The following SRD5A2 variants were observed in gnomAD, a reference collection of about 807,000 sequenced individuals.
SRD5A2 encodes steroid 5 alpha-reductase 2.
A neutral mutation model predicts 27.4 loss-of-function variants in SRD5A2; 30 were observed. That is an observed-to-expected ratio of 1.10 (90% confidence interval 0.82 to 1.49). The LOEUF (loss-of-function observed/expected upper bound fraction) is 1.49. Among genes scored for constraint, SRD5A2 ranks in the 40% most tolerant of loss-of-function variants. The probability of loss-of-function intolerance (pLI) is 0.00; values close to 1 mark genes in which losing one functional copy is unlikely to be tolerated. For missense variants in SRD5A2, 348 were observed against 323.4 expected, an observed-to-expected ratio of 1.08 and a Z score of -0.58; for synonymous variants, 141 against 133.6, an observed-to-expected ratio of 1.06 and a Z score of -0.38.
At chr2:31,593,525 C>A in the SRD5A2 span, among the ~76,000 whole-genome samples, 1 of 152,212 alleles carries the variant, frequency 6.6e-6, no homozygotes, top group African/African-American at 2.4e-5. Flanking sequence ...AACAAAACCT[C>A]CAAGAAATTT....
the SRD5A2 span, among the ~76,000 whole-genome samples, chr2:31,647,156 C>T: frequency 2.0e-5 from 3 of 151,868 alleles, no homozygotes; most frequent in Non-Finnish European, 4.4e-5. Context: ...GAAAACAAAA[C>T]AAAACAAAAC....
At chr2:31,647,908 T>C in the SRD5A2 span, among the ~76,000 whole-genome samples, 1 of 152,236 alleles carries the variant, frequency 6.6e-6, no homozygotes. Context: ...TTTTTATGAG[T>C]ATGAAAACTG....
chr2:31,549,081 A>AATTATTATT (rs71405576), intron 1 of SRD5A2, among the ~76,000 whole-genome samples: 9,992 of 131,240 alleles, frequency 0.076, 435 homozygotes, highest in Middle Eastern at 0.1. Context: ...AAGTAGAGGG[A>AATTATTATT]ATTATTATTA....
At chr2:31,633,294 T>C in the SRD5A2 span, among the ~76,000 whole-genome samples, 1 of 152,172 alleles carries the variant, frequency 6.6e-6, no homozygotes, top group East Asian at 1.9e-4. Context: ...TGGAAATTAC[T>C]TAAAACCCTT....
chr2:31,608,421 C>A, the SRD5A2 span, among the ~76,000 whole-genome samples: 2,722 of 151,154 alleles, frequency 0.018, 56 homozygotes, highest in African/African-American at 0.038. Context: ...TAATACAAAA[C>A]GGGGGCAGGA....
In SRD5A2 at chr2:31,523,565, G is replaced by A. The variant is rs574344590; in HGVS notation, c.*2631C>T. On this transcript the variant is annotated 3_prime_UTR_variant, in exon 5 of 5. Transcript: ENST00000622030. The stretch of plus-strand genomic sequence containing the variant: ...TCTGAGGTCTGCTTCAGCTCTTTAA[G>A]TCTAAATTCTGAAAAACAAACAAAA... 3.0e-4 allele frequency: 66 copies of A among 219,230 alleles called. No homozygotes were observed. The highest frequency in any genetic ancestry group is 1.4e-3 in the African/African-American group (62 of 44,710). 13.6% of individuals were successfully genotyped at this position (219,230 alleles called of 1,614,324 possible).
the SRD5A2 span, among the ~76,000 whole-genome samples, chr2:31,648,282 T>C: frequency 5.9e-5 from 9 of 152,260 alleles, no homozygotes; most frequent in African/African-American, 1.9e-4. Flanking sequence ...GCAGAAACTT[T>C]ACTTTGTGGT....
At chr2:31,638,926 A>G in the SRD5A2 span, among the ~76,000 whole-genome samples, 2 of 151,944 alleles carry the variant, frequency 1.3e-5, no homozygotes, top group Admixed American at 6.6e-5. Flanking sequence ...GTTACTATTG[A>G]TAAGTAAGGT....
At chr2:31,662,410 C>CCAGG in the SRD5A2 span, among the ~76,000 whole-genome samples, 269 of 152,158 alleles carry the variant, frequency 1.8e-3, 1 homozygote, top group African/African-American at 6.3e-3. Context: ...ATTTGACCTC[C>CCAGG]CAGGCTCAAG....
intron 1 of SRD5A2, among the ~76,000 whole-genome samples, chr2:31,573,277 C>T (rs562987392): frequency 9.8e-5 from 15 of 152,340 alleles, no homozygotes; most frequent in African/African-American, 2.9e-4. Context: ...ACACCCAGAG[C>T]GCAATAAATA....
chr2:31,628,116 G>A, the SRD5A2 span, among the ~76,000 whole-genome samples: 8 of 152,056 alleles, frequency 5.3e-5, no homozygotes, highest in Admixed American at 2.0e-4. Context: ...TAATCTTTTT[G>A]AGGGTCTCTA....
At chr2:31,543,475 AC>A (rs567405035) in intron 1 of SRD5A2, among the ~76,000 whole-genome samples, 111 of 152,334 alleles carry the variant, frequency 7.3e-4, no homozygotes, top group East Asian at 9.6e-4. Flanking sequence ...TTTTAAAAAA[AC>A]AATTATTAGT....
chr2:31,620,859 G>T, the SRD5A2 span, among the ~76,000 whole-genome samples: 5 of 146,040 alleles, frequency 3.4e-5, no homozygotes, highest in Non-Finnish European at 3.0e-5. Context: ...ATCCACGATG[G>T]TCTCAAAATA....
the SRD5A2 span, among the ~76,000 whole-genome samples, chr2:31,648,120 G>T: frequency 6.6e-6 from 1 of 152,176 alleles, no homozygotes; most frequent in Non-Finnish European, 1.5e-5. Context: ...GATTCACTGT[G>T]AGGCTAGTGT....
intron 1 of SRD5A2, among the ~76,000 whole-genome samples, chr2:31,570,772 C>T (rs1309144977): frequency 1.3e-5 from 2 of 152,164 alleles, no homozygotes; most frequent in African/African-American, 2.4e-5. Flanking sequence ...CAATCCCATT[C>T]ATGATTGCAG....
the SRD5A2 span, among the ~76,000 whole-genome samples, chr2:31,643,421 AATAG>A: frequency 7.2e-5 from 11 of 152,294 alleles, no homozygotes; most frequent in South Asian, 2.1e-4. Context: ...AGGATTTTTA[AATAG>A]ATAGATAAAT....
rs557551859 is a variant in SRD5A2 at position 31,543,032 on chromosome 2, A to T, written c.282-9266T>A. 2.0e-5 allele frequency among the ~76,000 whole-genome samples: 3 copies of T among 152,336 alleles called. No individual in the cohort carries two copies. The South Asian group carries it at 6.2e-4, about 32-fold the overall frequency. ...ACTTTCCAAATACAAAGGCAAAGAG[A>T]AAATCTTGAAAGCAGCAAGAGATAG... On this transcript the variant is annotated intron_variant, in intron 1 of 4. Transcript: ENST00000622030.
intron 4 of SRD5A2, among the ~76,000 whole-genome samples, chr2:31,528,702 G>C (rs988243106): frequency 2.0e-5 from 3 of 152,132 alleles, no homozygotes; most frequent in Non-Finnish European, 4.4e-5. Flanking sequence ...GGAGGTGAAG[G>C]CTGCAGTGAG....
chr2:31,648,670 G>C, the SRD5A2 span, among the ~76,000 whole-genome samples: 2 of 152,194 alleles, frequency 1.3e-5, no homozygotes, highest in Admixed American at 1.3e-4. Flanking sequence ...ACATTCCTCA[G>C]AAGAAAGCAA....
Sources: gnomAD v4.1 joint callset for allele counts (sites outside exome capture counted in the v4.1 genomes callset) on GRCh38, gnomAD v4.1.1 for gene constraint, MANE v1.5 for transcripts, NCBI Gene and HGNC (gene_info 2026-07-23, HGNC 2026-07-21) for gene names.